The following C17orf113 variants were observed in gnomAD, a reference collection of about 807,000 sequenced individuals.
C17orf113 encodes uncharacterized protein C17orf113.
Under a neutral mutation model 11.6 loss-of-function variants are expected in C17orf113, and 5 were observed. The ratio of observed to expected loss-of-function variants is 0.43; its 90% CI spans 0.23 to 0.91. C17orf113 has a LOEUF of 0.91. C17orf113 is among the 40% of genes least tolerant of loss of function. C17orf113 has a pLI of 0.26. For synonymous variants in C17orf113, 327 were observed against 390.6 expected (o/e 0.84, Z 1.92); for missense variants, 714 against 841.3 (o/e 0.85, Z 1.87).
At chr17:42,048,027 G>C (rs1158782261) in intron 1 of C17orf113, among the ~76,000 whole-genome samples, 2 of 151,970 alleles carry the variant, frequency 1.3e-5, no homozygotes, top group African/African-American at 4.8e-5. Flanking sequence ...TGGCTTCTAG[G>C]ATCCCATGTT....
chr17:42,043,043 C>T lies in C17orf113; in HGVS notation c.334G>A (p.Ala112Thr). 8.1e-7 allele frequency: 1 copy of T among 1,232,340 alleles called. No individual in the cohort carries two copies. The highest frequency in any genetic ancestry group is 4.1e-5 in the South Asian group (1 of 24,322). 76.3% of individuals were successfully genotyped at this position (1,232,340 alleles called of 1,614,324 possible). ...AEGGGACPGL[A>T]TTPASRGVKV... ...ACGCCCCTGGAGGCAGGGGTCGTAG[C>T]CAGGCCTGGGCAGGCCCCTCCACCT... is the stretch of plus-strand genomic sequence containing the variant. The change falls in exon 2 of 3, where the codon GCT becomes ACT. Residue 112 changes from alanine to threonine, a missense_variant. Transcript: ENST00000587304.
chr17:42,041,159 C>A lies in C17orf113; in HGVS notation c.574G>T (p.Ala192Ser). ...VAIASVLHTEACQRLKASPYV... is the reference protein window; with the variant it reads ...VAIASVLHTESCQRLKASPYV... ...GGGGATGCCTTCAGGCGCTGGCAGGCCTCTGTGTGCAAGACACTGGCAATG... is the reference window on the plus strand; with the variant it reads ...GGGGATGCCTTCAGGCGCTGGCAGGACTCTGTGTGCAAGACACTGGCAATG... The change falls in exon 3 of 3, where the codon GCC becomes TCC. Residue 192 changes from alanine to serine, a missense_variant. Physicochemically the swap from Ala to Ser is moderately conservative, Grantham distance 99. Transcript: ENST00000587304. 3 of 1,232,328 alleles carry A rather than the reference C, an allele frequency of 2.4e-6. No individual in the cohort carries two copies. The highest frequency in any genetic ancestry group is 3.0e-6 in the Non-Finnish European group (3 of 988,088). 76.3% of individuals were successfully genotyped at this position (1,232,328 alleles called of 1,614,324 possible).
rs908140132 is a variant in C17orf113, at chr17:42,043,205, C to T, written c.172G>A (p.Gly58Ser). 1.6e-6 allele frequency: 2 copies of T among 1,232,246 alleles called. No individual in the cohort carries two copies. Among genetic ancestry groups the T allele is most frequent in the Admixed American group, 4.2e-5 (1 of 23,726 alleles). The allele number at this position is 1,232,246 out of a possible 1,614,324, so 76.3% of individuals were successfully genotyped here. Reference sequence around the variant, plus strand: ...ACAGTGAAGGCGTTTTCGGCTTTGCCATGCTTGTTCCGTACCAGGGCCTGG... The same window carrying T: ...ACAGTGAAGGCGTTTTCGGCTTTGCTATGCTTGTTCCGTACCAGGGCCTGG... ...CRQALVRNKHGKAENAFTVGT... is the reference protein window; with the variant it reads ...CRQALVRNKHSKAENAFTVGT... Residue 58 changes from glycine (G) to serine (S), a missense_variant, in exon 2 of 3, where the codon GGC becomes AGC. Gly to Ser is a moderately conservative substitution (Grantham distance 56). Coordinates refer to ENST00000587304, the MANE Select transcript of C17orf113 (RefSeq NM_001358661.2).
rs1276396305 is a variant in C17orf113, at chr17:42,043,149, C to G, written c.228G>C (p.Leu76=). ...GGGCTCCTGAGGTCACGTGGCGCAG[C>G]AGGGCGTGGCGCTGGAAGTTGTCTG... ...VGTDNFQRHA[L]LRHVTSGAHR... is the part of the protein sequence containing the mutation. The change falls in exon 2 of 3, where the codon CTG becomes CTC. Residue 76 remains leucine, a synonymous_variant. Transcript: ENST00000587304. 2.4e-6 allele frequency: 3 copies of G among 1,232,180 alleles called. No homozygotes were observed. The highest frequency in any genetic ancestry group is 3.0e-6 in the Non-Finnish European group (3 of 987,996). The allele number at this position is 1,232,180 out of a possible 1,614,324, so 76.3% of individuals were successfully genotyped here.
rs60694132 is a variant in C17orf113, at chr17:42,047,029, A to AT, written c.-187-3467dup. ...AGGCACATGCCGCCATGCCCGGCTA[A>AT]TTTTTTTTTTTTTTTTTTTTGAGAC... is the stretch of plus-strand genomic sequence containing the variant. On this transcript the variant is annotated intron_variant, in intron 1 of 2. Coordinates refer to ENST00000587304, the MANE Select transcript of C17orf113 (RefSeq NM_001358661.2). Among the ~76,000 whole-genome samples, 114 of 116,582 alleles carry AT rather than the reference A, an allele frequency of 9.8e-4. 1 individual carries two copies. The highest frequency in any genetic ancestry group is 8.7e-3 in the Middle Eastern group (2 of 230). The allele number at this position is 116,582 out of a possible 152,430, so 76.5% of individuals were successfully genotyped here.
rs1320702345 is a variant in C17orf113, at chr17:42,040,553, GGCGCAGGGCCAGGGCCAGTGACCCC to G, written c.1155_1179del (p.Gly386SerfsTer39). ...TGGGTGAAGGCCACGAAGGTGAACT[GGCGCAGGGCCAGGGCCAGTGACCCC>G]GCCACAGGTGAGGCAAGGGCTGCAG... is the stretch of plus-strand genomic sequence containing the variant. On this transcript the variant is annotated frameshift_variant, in exon 3 of 3. Coordinates refer to ENST00000587304, the MANE Select transcript of C17orf113 (RefSeq NM_001358661.2). LOFTEE classifies it low-confidence loss of function (END_TRUNC). 1 of 1,232,986 alleles carries G rather than the reference GGCGCAGGGCCAGGGCCAGTGACCCC, an allele frequency of 8.1e-7. No homozygotes were observed. The highest frequency in any genetic ancestry group is 1.0e-6 in the Non-Finnish European group (1 of 988,748). The allele number at this position is 1,232,986 out of a possible 1,614,324, so 76.4% of individuals were successfully genotyped here.
chr17:42,049,370 C>A lies in C17orf113; in HGVS notation c.-188+1187G>T, dbSNP rs189864171. ...TCTTGCTTCATCCTCTCTCCACCCC[C>A]CTTCTCATGCACGTTCCCTGAGGGC... On this transcript the variant is annotated intron_variant, in intron 1 of 2. Transcript: ENST00000587304. Among the ~76,000 whole-genome samples, 800 of 152,248 alleles carry A rather than the reference C, an allele frequency of 5.3e-3. 7 individuals are homozygous for A. Among genetic ancestry groups the A allele is most frequent in the African/African-American group, 0.013 (548 of 41,538 alleles).
rs1343455819 is a variant in C17orf113 at position 42,039,550 on chromosome 17, G to C, written c.*155C>G. On this transcript the variant is annotated 3_prime_UTR_variant, in exon 3 of 3. Coordinates refer to ENST00000587304, the MANE Select transcript of C17orf113 (RefSeq NM_001358661.2). ...CTCCACAGCCCACAGGGTGGGGGGG[G>C]TTGGTGGGAAGCTCCAGAAGGGCGG... 4 of 584,710 alleles carry C rather than the reference G, an allele frequency of 6.8e-6. No individual in the cohort carries two copies. Among genetic ancestry groups the C allele is most frequent in the South Asian group, 1.9e-4 (2 of 10,554 alleles). The allele number at this position is 584,710 out of a possible 1,614,324, so 36.2% of individuals were successfully genotyped here.
chr17:42,048,956 C>T (rs1365304915), intron 1 of C17orf113, among the ~76,000 whole-genome samples: 1 of 137,384 alleles, frequency 7.3e-6, no homozygotes, highest in Non-Finnish European at 1.6e-5. Context: ...AAAAAAAAAA[C>T]AAAAATACTG....
In C17orf113 at chr17:42,038,673, T is replaced by C. The variant is rs1555655724; in HGVS notation, c.*1032A>G. Reference sequence around the variant, plus strand: ...GACCCTGTCATTGCAAAACCAAAAGTAGTCCTTTTAGATGTTTGTGTGGTA... The same window carrying C: ...GACCCTGTCATTGCAAAACCAAAAGCAGTCCTTTTAGATGTTTGTGTGGTA... On this transcript the variant is annotated 3_prime_UTR_variant, in exon 3 of 3. Transcript: ENST00000587304. The C allele has an allele frequency of 6.6e-6, 1 of 152,294 alleles. No individual in the cohort carries two copies. The highest frequency in any genetic ancestry group is 6.5e-5 in the Admixed American group (1 of 15,284). The allele number at this position is 152,294 out of a possible 1,614,324, so 9.4% of individuals were successfully genotyped here.
At chr17:42,048,861 G>A (rs1168154158) in intron 1 of C17orf113, among the ~76,000 whole-genome samples, 1 of 151,430 alleles carries the variant, frequency 6.6e-6, no homozygotes, top group East Asian at 1.9e-4. Context: ...CCAGAGGGGG[G>A]CTTTTAAAAA....
chr17:42,040,685 G>A lies in C17orf113; in HGVS notation c.1048C>T (p.Arg350Trp), dbSNP rs1051186990. The A allele has an allele frequency of 4.9e-6, 6 of 1,232,302 alleles. No individual in the cohort carries two copies. The highest frequency in any genetic ancestry group is 4.1e-5 in the South Asian group (1 of 24,324). The allele number at this position is 1,232,302 out of a possible 1,614,324, so 76.3% of individuals were successfully genotyped here. ...DLAAIDLAGP[R>W]PVPWASLLPV... ...AGCAGGGAGGCCCAGGGCACTGGCC[G>A]AGGCCCTGCCAAGTCAATAGCTGCA... Residue 350 changes from arginine to tryptophan, a missense_variant, in exon 3 of 3, where the codon CGG becomes TGG. Physicochemically the swap from Arg to Trp is moderately radical, Grantham distance 101. This residue lies in a region of C17orf113 where 516 missense variants were observed against 626.6 expected (regional missense o/e 0.82). Transcript: ENST00000587304.
intron 1 of C17orf113, among the ~76,000 whole-genome samples, chr17:42,047,355 A>C (rs537698643): frequency 1.3e-5 from 2 of 151,902 alleles, no homozygotes; most frequent in Admixed American, 6.6e-5. Flanking sequence ...TTGAATTTTT[A>C]GTAGAGACGG....
chr17:42,044,057 T>A (rs2053089283), intron 1 of C17orf113, among the ~76,000 whole-genome samples: 1 of 148,508 alleles, frequency 6.7e-6, no homozygotes, highest in East Asian at 2.0e-4. Context: ...GGCTCACTCC[T>A]ATAATCCCAG....
Position 42,042,861 on chromosome 17 carries a change from G to T in C17orf113, c.516C>A (p.Tyr172Ter). 1 of 1,232,328 alleles carries T rather than the reference G, an allele frequency of 8.1e-7. No individual in the cohort carries two copies. Among genetic ancestry groups the T allele is most frequent in the East Asian group, 3.2e-5 (1 of 31,706 alleles). The allele number at this position is 1,232,328 out of a possible 1,614,324, so 76.3% of individuals were successfully genotyped here. ...ALLGTEHGDY[Y>*]SPRRVRDMQV... Reference sequence around the variant, plus strand: ...GCATGTCCCTCACCCTCCTGGGACTGTAGTAATCGCCATGCTCTGTGCCCA... The same window carrying T: ...GCATGTCCCTCACCCTCCTGGGACTTTAGTAATCGCCATGCTCTGTGCCCA... The change falls in exon 2 of 3, where the codon TAC (tyrosine) becomes TAA (stop). Residue 172 changes from tyrosine (Y) to a stop codon, truncating the protein, a stop_gained. Transcript: ENST00000587304. LOFTEE classifies it low-confidence loss of function (END_TRUNC).
Position 42,039,048 on chromosome 17 carries a change from CG to C in C17orf113, c.*656del, listed in dbSNP as rs1453165601. ...GGTGGATCACTTGAGGTCAGGAGTT[CG>C]AGACCAGCCTGGCCAACATGGTGAA... On this transcript the variant is annotated 3_prime_UTR_variant, in exon 3 of 3. Coordinates refer to ENST00000587304, the MANE Select transcript of C17orf113 (RefSeq NM_001358661.2). 7 of 152,238 alleles carry C rather than the reference CG, an allele frequency of 4.6e-5. No homozygotes were observed. In the East Asian group the frequency reaches 1.4e-3, roughly 29 times the overall value. 9.4% of individuals were successfully genotyped at this position (152,238 alleles called of 1,614,324 possible). A position where few individuals can be genotyped will look rare whatever the true frequency, so the allele number is the denominator to read the frequency against.
intron 2 of C17orf113, among the ~76,000 whole-genome samples, chr17:42,041,861 T>C (rs1412908242): frequency 6.6e-6 from 1 of 152,166 alleles, no homozygotes; most frequent in South Asian, 2.1e-4. Context: ...GTGAGTGATA[T>C]TGAGCTTGGA....
Position 42,040,188 on chromosome 17 carries a change from G to A in C17orf113, c.1545C>T (p.Ala515=), listed in dbSNP as rs542352247. Residue 515 remains alanine (A), a synonymous_variant, in exon 3 of 3, where the codon GCC becomes GCT. Coordinates refer to ENST00000587304, the MANE Select transcript of C17orf113 (RefSeq NM_001358661.2). ...SYPGPSLDAV[A]AFAAIFDPRR... ...GGGGGTCGAAGATCGCTGCGAAGGC[G>A]GCCACGGCGTCCAGCGAAGGCCCGG... The A allele has an allele frequency of 9.7e-6, 12 of 1,231,604 alleles. No homozygotes were observed. The African/African-American group carries it at 1.2e-4, about 13-fold the overall frequency. 76.3% of individuals were successfully genotyped at this position (1,231,604 alleles called of 1,614,324 possible). A position where few individuals can be genotyped will look rare whatever the true frequency, so the allele number is the denominator to read the frequency against.
chr17:42,043,122 G>A lies in C17orf113; in HGVS notation c.255C>T (p.His85=), dbSNP rs996253040. The change falls in exon 2 of 3, where the codon CAC becomes CAT. Residue 85 remains histidine, a synonymous_variant. Transcript: ENST00000587304. ...ALLRHVTSGA[H]RQALAVNQGQ... ...CCTGGTTGACAGCCAGAGCCTGGCG[G>A]TGGGCTCCTGAGGTCACGTGGCGCA... The A allele has an allele frequency of 8.1e-6, 10 of 1,232,156 alleles. No individual in the cohort carries two copies. Among genetic ancestry groups the A allele is most frequent in the Non-Finnish European group, 1.0e-5 (10 of 988,046 alleles). The allele number at this position is 1,232,156 out of a possible 1,614,324, so 76.3% of individuals were successfully genotyped here.
Sources: gnomAD v4.1 joint callset for allele counts (sites outside exome capture counted in the v4.1 genomes callset) on GRCh38, gnomAD v4.1.1 for gene constraint, gnomAD v4.1.1 regional missense constraint, MANE v1.5 for transcripts, NCBI Gene and HGNC (gene_info 2026-07-23, HGNC 2026-07-21) for gene names.